LIMA1: variants seen among roughly 807,000 people sequenced by gnomAD.
The protein encoded by LIMA1 is LIM domain and actin-binding protein 1.
A neutral mutation model predicts 62.6 loss-of-function variants in LIMA1; 52 were observed. The observed-to-expected ratio is 0.83, with a 90% CI of 0.67 to 1.05. The LOEUF (loss-of-function observed/expected upper bound fraction) is 1.05. Among genes scored for constraint, LIMA1 ranks in the 50% least tolerant of loss-of-function variants. The pLI is 0.00. For missense variants in LIMA1, 780 were observed against 902.2 expected (o/e 0.86, Z 1.74); for synonymous variants, 302 against 317.8 (o/e 0.95, Z 0.53).
intron 3 of LIMA1, among the ~76,000 whole-genome samples, chr12:50,227,283 G>A: frequency 7.5e-6 from 1 of 133,278 alleles, no homozygotes; most frequent in East Asian, 2.1e-4. Flanking sequence ...CTGTCACCCA[G>A]GCTGGAGTGC....
intron 1 of LIMA1, among the ~76,000 whole-genome samples, chr12:50,260,476 G>T (rs1467168633): frequency 6.6e-6 from 1 of 152,118 alleles, no homozygotes; most frequent in Non-Finnish European, 1.5e-5. Flanking sequence ...CTCCATGCTG[G>T]ATAGTTTCAT....
chr12:50,210,325 A>T (rs937485900), intron 4 of LIMA1, among the ~76,000 whole-genome samples: 1 of 146,870 alleles, frequency 6.8e-6, no homozygotes, highest in Non-Finnish European at 1.5e-5. Context: ...GGGGAGGCTG[A>T]GGCAGGAGAA....
At chr12:50,244,938 T>A (rs1333156981) in intron 2 of LIMA1, among the ~76,000 whole-genome samples, 1 of 151,936 alleles carries the variant, frequency 6.6e-6, no homozygotes, top group Non-Finnish European at 1.5e-5. Flanking sequence ...GGTGTCCTGG[T>A]GAGGTCAAAA....
chr12:50,190,201 G>C (rs1267506754), intron 9 of LIMA1: 1 of 149,072 alleles, frequency 6.7e-6, no homozygotes, highest in Non-Finnish European at 1.5e-5. Flanking sequence ...TATTTTTAGA[G>C]ACAGGGTTTC....
chr12:50,192,679 G>C, intron 8 of LIMA1, 118 bp from the exon 9 acceptor site: 1 of 679,652 alleles, frequency 1.5e-6, no homozygotes, highest in South Asian at 1.6e-5. Context: ...CCAACACCAG[G>C]AAAAACACTG....
At chr12:50,279,852 A>G in intron 1 of LIMA1, among the ~76,000 whole-genome samples, 1 of 152,230 alleles carries the variant, frequency 6.6e-6, no homozygotes, top group East Asian at 1.9e-4. Context: ...TATGAAATAA[A>G]AGAAGTCCCG....
chr12:50,207,872 A>G (rs995041663), intron 4 of LIMA1, among the ~76,000 whole-genome samples: 8 of 148,408 alleles, frequency 5.4e-5, no homozygotes, highest in African/African-American at 2.0e-4. Flanking sequence ...CCTGAGAAAC[A>G]GAGTGAGACC....
chr12:50,277,030 G>A (rs936562367), intron 1 of LIMA1, among the ~76,000 whole-genome samples: 1 of 152,102 alleles, frequency 6.6e-6, no homozygotes, highest in South Asian at 2.1e-4. Flanking sequence ...TGAAGTAGAA[G>A]AAGTTGTTAA....
intron 10 of LIMA1, among the ~76,000 whole-genome samples, chr12:50,180,468 C>T (rs1163192005): frequency 6.6e-6 from 1 of 152,030 alleles, no homozygotes; most frequent in African/African-American, 2.4e-5. Context: ...GAGTGAGACT[C>T]CATCTCAAAA....
chr12:50,226,629 A>C (rs758934925), intron 3 of LIMA1, among the ~76,000 whole-genome samples: 1 of 152,136 alleles, frequency 6.6e-6, no homozygotes, highest in Non-Finnish European at 1.5e-5. Context: ...TCACAAGGTC[A>C]AGAGATTGAG....
chr12:50,223,660 T>A (rs1467697504), intron 3 of LIMA1, among the ~76,000 whole-genome samples: 3 of 152,206 alleles, frequency 2.0e-5, no homozygotes, highest in Non-Finnish European at 4.4e-5. Context: ...AAAAATGGAA[T>A]TAATTTATAC....
At chr12:50,223,807 G>A (rs1048087986) in intron 3 of LIMA1, among the ~76,000 whole-genome samples, 34 of 152,318 alleles carry the variant, frequency 2.2e-4, no homozygotes, top group African/African-American at 8.2e-4. Context: ...GGAGGCCGAG[G>A]CGGGTGGATC....
At chr12:50,203,264 C>T (rs758722414) in intron 6 of LIMA1, among the ~76,000 whole-genome samples, 5 of 151,954 alleles carry the variant, frequency 3.3e-5, no homozygotes, top group Non-Finnish European at 5.9e-5. Flanking sequence ...ACCCACCCAC[C>T]TCAGGCTCCC....
rs1941320355 is a variant in LIMA1 at position 50,215,101 on chromosome 12, G to C, written c.630+6920C>G. Among the ~76,000 whole-genome samples the C allele has an allele frequency of 2.0e-5, 3 of 152,188 alleles. No homozygotes were observed. In the South Asian group the frequency reaches 6.2e-4, roughly 32 times the overall value. ...TATGAATAAGTACCTGATGAACAGA[G>C]ATCATCACACTTTAGCTTGGTTGCC... On this transcript the variant is annotated intron_variant, in intron 4 of 10. Coordinates refer to ENST00000341247, the MANE Select transcript of LIMA1 (RefSeq NM_016357.5).
intron 9 of LIMA1, chr12:50,188,879 G>A (rs1940690517): frequency 6.6e-6 from 1 of 152,212 alleles, no homozygotes; most frequent in South Asian, 2.1e-4. Context: ...CCAGGTCCTG[G>A]GTTACACAGA....
At chr12:50,207,216 C>T (rs1363441606) in intron 4 of LIMA1, among the ~76,000 whole-genome samples, 6 of 152,068 alleles carry the variant, frequency 3.9e-5, no homozygotes, top group East Asian at 1.9e-4. Context: ...TGAGCCACTG[C>T]GCCTGGCCAA....
intron 3 of LIMA1, among the ~76,000 whole-genome samples, chr12:50,226,958 T>C (rs961297238): frequency 5.3e-5 from 8 of 151,102 alleles, no homozygotes; most frequent in African/African-American, 1.9e-4. Flanking sequence ...CTCCCTTATA[T>C]GGTGGGGTCC....
intron 1 of LIMA1, among the ~76,000 whole-genome samples, chr12:50,249,525 AT>A (rs1941899064): frequency 6.6e-6 from 1 of 152,150 alleles, no homozygotes. Flanking sequence ...GAGAAGTATA[AT>A]GTACTTTAAG....
intron 9 of LIMA1, chr12:50,190,080 T>A (rs1940720895): frequency 7.5e-6 from 1 of 133,006 alleles, no homozygotes; most frequent in Non-Finnish European, 1.6e-5. Flanking sequence ...AGCAGTGGTG[T>A]GATCTTGGCT....
Sources: gnomAD v4.1 joint callset for allele counts (sites outside exome capture counted in the v4.1 genomes callset) on GRCh38, gnomAD v4.1.1 for gene constraint, MANE v1.5 for transcripts, NCBI Gene and HGNC (gene_info 2026-07-23, HGNC 2026-07-21) for gene names.